Variants in SEC16B observed in about 807,000 individuals in gnomAD.
SEC16B encodes protein transport protein Sec16B.
In SEC16B, 115 loss-of-function variants were observed where a neutral mutation model predicts 141.8. That is an observed-to-expected ratio of 0.81 (90% CI 0.70 to 0.95). The LOEUF is 0.95. Among genes scored for constraint, SEC16B ranks in the 40% least tolerant of loss-of-function variants. SEC16B has a pLI of 0.00. For missense variants in SEC16B, 1,291 were observed against 1,312.3 expected, an observed-to-expected ratio of 0.98 and a Z score of 0.25; for synonymous variants, 493 against 492.5, an observed-to-expected ratio of 1.00 and a Z score of -0.01.
chr1:177,961,229 T>C (rs1653035194), intron 6 of SEC16B: 1 of 454,136 alleles, frequency 2.2e-6, no homozygotes, highest in African/African-American at 2.0e-5. Flanking sequence ...CTGGCTTTCA[T>C]GGCCTCTATA....
At chr1:177,930,010 G>A in intron 25 of SEC16B, 81 bp from the exon 26 acceptor site, 1 of 1,397,632 alleles carries the variant, frequency 7.2e-7, no homozygotes, top group South Asian at 1.2e-5. Context: ...GATGGAGCTA[G>A]GGCACCCTGA....
chr1:177,942,337 C>T (rs1651341943), intron 15 of SEC16B, among the ~76,000 whole-genome samples: 1 of 152,162 alleles, frequency 6.6e-6, no homozygotes, highest in Non-Finnish European at 1.5e-5. Flanking sequence ...CCCCACATAT[C>T]CAGAGAGTCT....
Position 177,961,729 on chromosome 1 carries a change from T to C in SEC16B, c.648A>G (p.Ser216=). The part of the protein sequence containing the change: ...LLAEAQKNKP[S]LASESNLLQQ... ...GGAGAAGGTTGGACTCACTAGCCAATGATGGCTGAAAGTTAAAAACAAAAA... is the reference window on the plus strand; with the variant it reads ...GGAGAAGGTTGGACTCACTAGCCAACGATGGCTGAAAGTTAAAAACAAAAA... Residue 216 remains serine (S), a synonymous_variant, in exon 6 of 26, where the codon TCA becomes TCG. Coordinates refer to ENST00000308284, the MANE Select transcript of SEC16B (RefSeq NM_033127.4). 1 of 1,613,460 alleles carries C rather than the reference T, an allele frequency of 6.2e-7. No homozygotes were observed. The highest frequency in any genetic ancestry group is 8.5e-7 in the Non-Finnish European group (1 of 1,179,762).
At chr1:177,976,220 CAAG>C (rs1213678460) in intron 1 of SEC16B, among the ~76,000 whole-genome samples, 1 of 152,170 alleles carries the variant, frequency 6.6e-6, no homozygotes, top group Non-Finnish European at 1.5e-5. Flanking sequence ...GTCTATCATT[CAAG>C]AAGAATGACT....
rs148195162 is a variant in SEC16B, at chr1:177,958,723, C to T, written c.1134+117G>A. 2.2e-4 allele frequency: 288 copies of T among 1,306,266 alleles called. No homozygotes were observed. In the East Asian group the frequency reaches 2.4e-3, roughly 11 times the overall value. 80.9% of individuals were successfully genotyped at this position (1,306,266 alleles called of 1,614,324 possible). On this transcript the variant is annotated intron_variant, in intron 9 of 25. Transcript: ENST00000308284. ...ATTTGAGCAATTTTTTCCCTTGGGG[C>T]AATTTGTGGCTTCTTTAATATTGCT...
chr1:177,961,463 C>T (rs1162566882), intron 6 of SEC16B, 127 bp downstream of exon 6: 2 of 974,844 alleles, frequency 2.1e-6, no homozygotes, highest in African/African-American at 1.6e-5. Context: ...GACCTCTCTG[C>T]CCAGGTGACC....
rs138794955 is a variant in SEC16B, at chr1:177,982,001, T to C, written c.-59+2205A>G. On this transcript the variant is annotated intron_variant and NMD_transcript_variant, in intron 1 of 24. Transcript: ENST00000528461. ...AGACTTCAAAATAAGAAAATAATAG[T>C]TTAAGGTAAAAAGCAGAGGAAGAGA... is the stretch of plus-strand genomic sequence containing the variant. Among the ~76,000 whole-genome samples, 16 of 152,220 alleles carry C rather than the reference T, an allele frequency of 1.1e-4. No individual in the cohort carries two copies. In the East Asian group the frequency reaches 2.1e-3, roughly 20 times the overall value.
intron 20 of SEC16B, 135 bp downstream of exon 20, chr1:177,936,163 G>A: frequency 1.4e-6 from 1 of 703,086 alleles, no homozygotes; most frequent in Non-Finnish European, 2.5e-6. Flanking sequence ...ATAGGAAAAG[G>A]CAAGGCGAGA....
At chr1:177,974,253 G>A (rs1654079271), upstream of SEC16B, among the ~76,000 whole-genome samples, 1 of 152,154 alleles carries the variant, frequency 6.6e-6, no homozygotes, top group Non-Finnish European at 1.5e-5. Context: ...TCAATAAGTA[G>A]TTCACTGTAA....
At chr1:177,969,632 C>G (rs564067748) in intron 1 of SEC16B, among the ~76,000 whole-genome samples, 1 of 152,212 alleles carries the variant, frequency 6.6e-6, no homozygotes, top group African/African-American at 2.4e-5. Flanking sequence ...AATCTTTCCA[C>G]TGAAATCACA....
chr1:177,933,005 ATT>A (rs1275831001), intron 22 of SEC16B, among the ~76,000 whole-genome samples, 199 bp from the exon 23 acceptor site: 1 of 151,804 alleles, frequency 6.6e-6, no homozygotes, highest in African/African-American at 2.4e-5. Context: ...CTAAAGTTAC[ATT>A]TCTTCATCCA....
intron 8 of SEC16B, chr1:177,959,360 C>T: frequency 3.8e-6 from 1 of 264,768 alleles, no homozygotes; most frequent in Non-Finnish European, 7.4e-6. Flanking sequence ...AAAATAGGGA[C>T]AGTAAAAGGA....
intron 15 of SEC16B, among the ~76,000 whole-genome samples, chr1:177,944,292 C>T (rs1245627688): frequency 2.0e-5 from 3 of 152,096 alleles, no homozygotes; most frequent in Non-Finnish European, 4.4e-5. Flanking sequence ...AGGCACAGGC[C>T]GGGGCGGCAG....
chr1:177,967,193 A>G (rs542895961), intron 2 of SEC16B, among the ~76,000 whole-genome samples: 1 of 152,196 alleles, frequency 6.6e-6, no homozygotes, highest in African/African-American at 2.4e-5. Context: ...GATTATTGGT[A>G]TGCCTGTTCC....
intron 1 of SEC16B, among the ~76,000 whole-genome samples, chr1:177,968,995 C>T (rs7512122): frequency 0.092 from 14,008 of 152,168 alleles, 2,083 homozygotes; most frequent in African/African-American, 0.32. Flanking sequence ...CACGGGGTAG[C>T]GGGGGACAGG....
Position 177,955,713 on chromosome 1 carries a change from G to T in SEC16B, c.1366-1337C>A, listed in dbSNP as rs1652549651. 2.0e-5 allele frequency among the ~76,000 whole-genome samples: 3 copies of T among 152,162 alleles called. No homozygotes were observed. In the South Asian group the frequency reaches 6.2e-4, roughly 31 times the overall value. On this transcript the variant is annotated intron_variant, in intron 10 of 25. Transcript: ENST00000308284. ...CTGTGGTGAGAATGTATGAAAACAG[G>T]CACTCTTTTGCATTGCTGGTAGAGT... is the stretch of plus-strand genomic sequence containing the variant.
chr1:177,930,651 G>T lies in SEC16B; in HGVS notation c.3013-8C>A. The T allele has an allele frequency of 6.2e-7, 1 of 1,602,986 alleles. No homozygotes were observed. The highest frequency in any genetic ancestry group is 8.5e-7 in the Non-Finnish European group (1 of 1,171,270). ...GAGCTCAAAGGAAACACTCTGTGAT[G>T]GAAAAGCATGGAAAATCCCATCAGT... On this transcript the variant is annotated splice_polypyrimidine_tract_variant and splice_region_variant and intron_variant, in intron 24 of 25. Transcript: ENST00000308284.
At position 177,959,904 on chromosome 1, in the gene SEC16B, T is replaced by A. The variant is rs137950504; in HGVS notation, c.998+438A>T. ...GTCCTAGTTCAGTACTGCAGAGGGC[T>A]CACTTGCACACTGTTCTGTAACTTG... is the stretch of plus-strand genomic sequence containing the variant. On this transcript the variant is annotated intron_variant, in intron 8 of 25. Transcript: ENST00000308284. 901 of 176,952 alleles carry A rather than the reference T, an allele frequency of 5.1e-3. 7 individuals carry two copies. Among genetic ancestry groups the A allele is most frequent in the Middle Eastern group, 7.4e-3 (3 of 404 alleles). 11.0% of individuals were successfully genotyped at this position (176,952 alleles called of 1,614,324 possible).
intron 25 of SEC16B, among the ~76,000 whole-genome samples, 155 bp from the exon 26 acceptor site, chr1:177,930,084 C>T (rs151148985): frequency 1.3e-5 from 2 of 152,300 alleles, no homozygotes; most frequent in African/African-American, 4.8e-5. Context: ...AACCCTTCAC[C>T]TAACTGTGGT....
Sources: allele counts gnomAD v4.1 joint callset (sites outside exome capture counted in the v4.1 genomes callset), GRCh38; gene constraint gnomAD v4.1.1; transcripts MANE v1.5; gene names NCBI Gene and HGNC (gene_info 2026-07-23, HGNC 2026-07-21).